ATF7IP: variants seen among roughly 807,000 people sequenced by gnomAD.
The protein encoded by ATF7IP is activating transcription factor 7 interacting protein, also known as activating transcription factor 7-interacting protein 1.
ATF7IP carries 23 observed loss-of-function variants against 106.4 expected under a neutral mutation model. The ratio of observed to expected loss-of-function variants is 0.22; its 90% CI spans 0.16 to 0.31. The LOEUF is 0.31. Ranked by LOEUF, ATF7IP falls within the 10% of genes least tolerant of loss-of-function variation. The pLI, the probability that ATF7IP is intolerant of heterozygous loss-of-function variation, is 1.00. For missense variants in ATF7IP, 1,334 were observed against 1,524.3 expected (o/e 0.88, Z 2.08); for synonymous variants, 542 against 539.0 (o/e 1.01, Z -0.08).
intron 13 of ATF7IP, among the ~76,000 whole-genome samples, chr12:14,494,333 A>ATATATATATG (rs1234871100): frequency 7.7e-4 from 66 of 85,938 alleles, no homozygotes; most frequent in Non-Finnish European, 1.0e-3. Context: ...ATATATATAT[A>ATATATATATG]TGTGTGTGTG....
intron 13 of ATF7IP, among the ~76,000 whole-genome samples, chr12:14,495,521 C>T (rs191744896): frequency 1.9e-3 from 286 of 152,234 alleles, no homozygotes; most frequent in African/African-American, 6.4e-3. Flanking sequence ...GTCCAGGAAC[C>T]AGGCCGAACT....
intron 1 of ATF7IP, among the ~76,000 whole-genome samples, chr12:14,417,949 CT>C (rs1447513635): frequency 6.6e-6 from 1 of 152,114 alleles, no homozygotes; most frequent in Non-Finnish European, 1.5e-5. Flanking sequence ...AATTCTTGAG[CT>C]TTTTGAGCAG....
intron 1 of ATF7IP, among the ~76,000 whole-genome samples, chr12:14,404,858 A>C (rs753905984): frequency 1.2e-4 from 18 of 152,182 alleles, no homozygotes; most frequent in Admixed American, 2.0e-4. Context: ...TTAGGAGGTT[A>C]AGAGAGTTTC....
chr12:14,467,652 A>C (rs986191995), intron 10 of ATF7IP, among the ~76,000 whole-genome samples: 2 of 151,510 alleles, frequency 1.3e-5, no homozygotes, highest in African/African-American at 4.8e-5. Context: ...ATTTATGAAC[A>C]TCTCTACTTC....
intron 1 of ATF7IP, among the ~76,000 whole-genome samples, chr12:14,393,013 G>A (rs17342820): frequency 0.02 from 3,085 of 152,256 alleles, 34 homozygotes; most frequent in Middle Eastern, 0.031. Flanking sequence ...AGTTGCCATT[G>A]TTAGTACTAT....
At chr12:14,371,687 T>C (rs183462355) in intron 1 of ATF7IP, among the ~76,000 whole-genome samples, 1 of 152,254 alleles carries the variant, frequency 6.6e-6, no homozygotes, top group East Asian at 1.9e-4. Flanking sequence ...CAGAGCTGAA[T>C]CAGTAGTTAT....
intron 1 of ATF7IP, among the ~76,000 whole-genome samples, chr12:14,399,636 AACTTG>A (rs938017451): frequency 1.1e-4 from 17 of 150,164 alleles, no homozygotes; most frequent in African/African-American, 3.9e-4. Context: ...TTTTTTTAGA[AACTTG>A]ACTTAATTGA....
At chr12:14,456,206 G>C (rs911059475) in intron 6 of ATF7IP, among the ~76,000 whole-genome samples, 1 of 152,164 alleles carries the variant, frequency 6.6e-6, no homozygotes, top group Admixed American at 6.5e-5. Context: ...TGTTAAATGA[G>C]TGAGTCTGGT....
intron 13 of ATF7IP, among the ~76,000 whole-genome samples, chr12:14,486,362 A>C (rs1944611939): frequency 6.6e-6 from 1 of 152,170 alleles, no homozygotes; most frequent in Admixed American, 6.5e-5. Flanking sequence ...TTACCCTGGT[A>C]AAAGGCCAGA....
chr12:14,427,440 G>A (rs1471728752), intron 2 of ATF7IP, among the ~76,000 whole-genome samples: 1 of 151,492 alleles, frequency 6.6e-6, no homozygotes, highest in Non-Finnish European at 1.5e-5. Context: ...TTGGCTCACT[G>A]CAACCTCCGC....
At chr12:14,446,261 C>A (rs993127522) in intron 5 of ATF7IP, among the ~76,000 whole-genome samples, 2 of 152,076 alleles carry the variant, frequency 1.3e-5, no homozygotes. Context: ...GATACTCCTG[C>A]TTCAGCCTCC....
chr12:14,494,319 A>C (rs866126909), intron 13 of ATF7IP, among the ~76,000 whole-genome samples: 1 of 92,184 alleles, frequency 1.1e-5, no homozygotes, highest in African/African-American at 5.1e-5. Context: ...ATATATATAT[A>C]TATATATATA....
intron 1 of ATF7IP, among the ~76,000 whole-genome samples, chr12:14,400,512 G>A (rs1940133724): frequency 6.6e-6 from 1 of 152,044 alleles, no homozygotes; most frequent in African/African-American, 2.4e-5. Flanking sequence ...CCTGGTATTT[G>A]CACTATTAAT....
intron 10 of ATF7IP, among the ~76,000 whole-genome samples, chr12:14,471,089 T>G (rs1175515290): frequency 6.6e-6 from 1 of 152,194 alleles, no homozygotes; most frequent in Non-Finnish European, 1.5e-5. Flanking sequence ...TTGGGGATTT[T>G]GCAAATTTTT....
chr12:14,490,785 C>T (rs972853200), intron 13 of ATF7IP, among the ~76,000 whole-genome samples: 6 of 152,058 alleles, frequency 3.9e-5, no homozygotes, highest in South Asian at 2.1e-4. Flanking sequence ...TTCTGCCGTC[C>T]GCACCTGCTC....
At chr12:14,371,478 G>T (rs367907097) in intron 1 of ATF7IP, among the ~76,000 whole-genome samples, 10 of 151,906 alleles carry the variant, frequency 6.6e-5, no homozygotes, top group East Asian at 3.8e-4. Flanking sequence ...TCTAGTTCTG[G>T]TTTATTATTA....
At chr12:14,473,893 T>C (rs1944155663) in intron 10 of ATF7IP, among the ~76,000 whole-genome samples, 1 of 152,064 alleles carries the variant, frequency 6.6e-6, no homozygotes, top group African/African-American at 2.4e-5. Flanking sequence ...AGTCAGCAGT[T>C]ACTCTTTGCT....
intron 12 of ATF7IP, among the ~76,000 whole-genome samples, 171 bp from the exon 13 acceptor site, chr12:14,480,832 T>A (rs1017953929): frequency 6.6e-6 from 1 of 152,232 alleles, no homozygotes; most frequent in Admixed American, 6.5e-5. Context: ...ATATTATTAA[T>A]GTTTATTGGC....
At chr12:14,375,538 TAAATA>T (rs1331732357) in intron 1 of ATF7IP, among the ~76,000 whole-genome samples, 3 of 151,408 alleles carry the variant, frequency 2.0e-5, no homozygotes, top group Admixed American at 6.6e-5. Flanking sequence ...AAGATAAAAA[TAAATA>T]AAAAAATGAA....
Sources: gnomAD v4.1 joint callset for allele counts (sites outside exome capture counted in the v4.1 genomes callset) on GRCh38, gnomAD v4.1.1 for gene constraint, MANE v1.5 for transcripts, NCBI Gene and HGNC (gene_info 2026-07-23, HGNC 2026-07-21) for gene names.